The following IL1RAPL1 variants were observed in gnomAD, a reference collection of about 807,000 sequenced individuals.
IL1RAPL1 encodes interleukin-1 receptor accessory protein-like 1.
A neutral mutation model predicts 48.4 loss-of-function variants in IL1RAPL1; 3 were observed. The observed-to-expected ratio is 0.06, with a 90% confidence interval of 0.03 to 0.16. IL1RAPL1 has a LOEUF of 0.16. Ranked by LOEUF, IL1RAPL1 falls within the 10% of genes least tolerant of loss-of-function variation. The probability of loss-of-function intolerance (pLI) is 1.00; values close to 1 mark genes in which losing one functional copy is unlikely to be tolerated. For missense variants in IL1RAPL1, 349 were observed against 530.6 expected, an observed-to-expected ratio of 0.66 and a Z score of 3.36; for synonymous variants, 185 against 187.7, an observed-to-expected ratio of 0.99 and a Z score of 0.12.
At chrX:29,387,590 C>T (rs1285973717) in intron 3 of IL1RAPL1, among the ~76,000 whole-genome samples, 1 of 112,256 alleles carries the variant, frequency 8.9e-6, no homozygotes, top group African/African-American at 3.2e-5. Flanking sequence ...AGAAGATCAT[C>T]AGGTGATTGT....
intron 2 of IL1RAPL1, among the ~76,000 whole-genome samples, chrX:28,996,350 T>A (rs1245067744): frequency 8.9e-6 from 1 of 111,991 alleles, no homozygotes; most frequent in Non-Finnish European, 1.9e-5. Flanking sequence ...ATTTTATTTA[T>A]CCACTAATCA....
rs377602021 is a variant in IL1RAPL1 at position 29,699,726 on chromosome X, C to G, written c.778+31222C>G. Among the ~76,000 whole-genome samples the G allele has an allele frequency of 2.9e-4, 32 of 111,799 alleles. 1 individual carries two copies. The East Asian group carries it at 7.0e-3, about 24-fold the overall frequency. Reference sequence around the variant, plus strand: ...TGTTCTGACGTTTTGATTGGTCTGGCCTTTTCAAGTAGATTAAATGTTATT... The same window carrying G: ...TGTTCTGACGTTTTGATTGGTCTGGGCTTTTCAAGTAGATTAAATGTTATT... On this transcript the variant is annotated intron_variant, in intron 6 of 10. Coordinates refer to ENST00000378993, the MANE Select transcript of IL1RAPL1 (RefSeq NM_014271.4).
intron 9 of IL1RAPL1, among the ~76,000 whole-genome samples, chrX:29,942,652 T>C (rs1933150435): frequency 9.2e-6 from 1 of 109,249 alleles, no homozygotes; most frequent in African/African-American, 3.3e-5. Flanking sequence ...GGAGTTTCAC[T>C]CTTGTTGCCC....
At chrX:28,697,456 GA>G (rs35493478) in intron 1 of IL1RAPL1, among the ~76,000 whole-genome samples, 3 of 96,859 alleles carry the variant, frequency 3.1e-5, no homozygotes, top group Non-Finnish European at 4.3e-5. Flanking sequence ...TTGTTTTCTA[GA>G]ATTTTTAAAA....
chrX:28,974,346 GTTGT>G (rs1189518997), intron 2 of IL1RAPL1, among the ~76,000 whole-genome samples: 2 of 112,005 alleles, frequency 1.8e-5, no homozygotes, highest in Admixed American at 1.9e-4. Context: ...TCCAATTTTT[GTTGT>G]TTAATTATTG....
chrX:29,285,648 A>G (rs1032928760), intron 3 of IL1RAPL1, among the ~76,000 whole-genome samples: 1 of 110,419 alleles, frequency 9.1e-6, no homozygotes. Context: ...CTACATTTTA[A>G]TAAAAGGTGA....
Position 29,842,193 on chromosome X carries a change from G to A in IL1RAPL1, c.779-75271G>A, listed in dbSNP as rs1029734145. ...ATCAGAAAATGCTGGGAACCTTTCTGATATCTAAGTTTTCAGAAGCATAAA... is the reference window on the plus strand; with the variant it reads ...ATCAGAAAATGCTGGGAACCTTTCTAATATCTAAGTTTTCAGAAGCATAAA... On this transcript the variant is annotated intron_variant, in intron 6 of 10. Coordinates refer to ENST00000378993, the MANE Select transcript of IL1RAPL1 (RefSeq NM_014271.4). Among the ~76,000 whole-genome samples, 4 of 112,199 alleles carry A rather than the reference G, an allele frequency of 3.6e-5. No homozygotes were observed. In the East Asian group the frequency reaches 8.4e-4, roughly 23 times the overall value.
Position 29,396,345 on chromosome X carries a change from T to C in IL1RAPL1, c.450T>C (p.Tyr150=). The change falls in exon 4 of 11, where the codon TAT becomes TAC. Residue 150 remains tyrosine, a synonymous_variant. Transcript: ENST00000378993. ...TCTGCTATAATTCCAAGATGAAGTA[T>C]TTTGAAAAAGCTGAACTTAGCAAAA... ...TGLCYNSKMK[Y]FEKAELSKSK... is the part of the protein sequence containing the mutation. The C allele has an allele frequency of 8.3e-7, 1 of 1,209,835 alleles. No homozygotes were observed. Among genetic ancestry groups the C allele is most frequent in the Non-Finnish European group, 1.1e-6 (1 of 893,634 alleles).
At chrX:29,451,433 G>A (rs181039479) in intron 5 of IL1RAPL1, among the ~76,000 whole-genome samples, 3 of 111,016 alleles carry the variant, frequency 2.7e-5, no homozygotes, top group African/African-American at 9.8e-5. Context: ...GGCCTCAAGA[G>A]ATCTGCGTGA....
At chrX:29,032,566 T>C (rs1926643238) in intron 2 of IL1RAPL1, among the ~76,000 whole-genome samples, 1 of 112,255 alleles carries the variant, frequency 8.9e-6, no homozygotes, top group Admixed American at 9.4e-5. Context: ...AAAAAAAAGG[T>C]GTCCCCTGGT....
chrX:29,787,086 G>A (rs1484460266), intron 6 of IL1RAPL1, among the ~76,000 whole-genome samples: 5 of 111,780 alleles, frequency 4.5e-5, no homozygotes, highest in African/African-American at 1.6e-4. Context: ...GTACTTGTAC[G>A]GAGAAGCCTT....
chrX:29,420,601 T>C (rs1934279144), intron 5 of IL1RAPL1, among the ~76,000 whole-genome samples: 1 of 112,425 alleles, frequency 8.9e-6, no homozygotes, highest in Non-Finnish European at 1.9e-5. Flanking sequence ...GATATATTCC[T>C]ACTCTTTCAC....
At chrX:29,569,766 G>T (rs1400405508) in intron 5 of IL1RAPL1, among the ~76,000 whole-genome samples, 3 of 111,889 alleles carry the variant, frequency 2.7e-5, no homozygotes, top group East Asian at 5.5e-4. Flanking sequence ...AGGATAAATG[G>T]AAACATGTTA....
chrX:28,609,324 A>G (rs1398601274), intron 1 of IL1RAPL1, among the ~76,000 whole-genome samples: 2 of 111,200 alleles, frequency 1.8e-5, no homozygotes, highest in African/African-American at 6.5e-5. Context: ...TCCAAGTTCC[A>G]CAAAAAGCCC....
chrX:28,709,370 G>A lies in IL1RAPL1; in HGVS notation c.-24-79950G>A, dbSNP rs369620109. Among the ~76,000 whole-genome samples, 16 of 111,944 alleles carry A rather than the reference G, an allele frequency of 1.4e-4. No homozygotes were observed. The South Asian group carries it at 4.1e-3, about 28-fold the overall frequency. On this transcript the variant is annotated intron_variant, in intron 1 of 10. Transcript: ENST00000378993. ...CTATTTTACAAATGAGGAAAATGCC[G>A]GGGGTGGGGCATAGAAAGCTTAGTT...
intron 6 of IL1RAPL1, among the ~76,000 whole-genome samples, chrX:29,890,703 T>C (rs1048486337): frequency 8.9e-6 from 1 of 112,147 alleles, no homozygotes; most frequent in Non-Finnish European, 1.9e-5. Flanking sequence ...AACTTTACTT[T>C]GTTTTAACCA....
chrX:28,688,218 G>A (rs1935135830), intron 1 of IL1RAPL1, among the ~76,000 whole-genome samples: 1 of 107,268 alleles, frequency 9.3e-6, no homozygotes, highest in African/African-American at 3.4e-5. Context: ...TTGAGACAGG[G>A]TCTCACTCTG....
Position 29,340,185 on chromosome X carries a change from A to G in IL1RAPL1, c.363-56073A>G, listed in dbSNP as rs137908640. Among the ~76,000 whole-genome samples, 249 of 112,145 alleles carry G rather than the reference A, an allele frequency of 2.2e-3. 2 individuals carry two copies. Among genetic ancestry groups the G allele is most frequent in the African/African-American group, 7.5e-3 (231 of 30,889 alleles). ...GTTTGTTGATTGAGGTGAAATTTGT[A>G]TAACATAAAATCAGTCATTTTAAAG... On this transcript the variant is annotated intron_variant, in intron 3 of 10. Coordinates refer to ENST00000378993, the MANE Select transcript of IL1RAPL1 (RefSeq NM_014271.4).
chrX:28,891,481 C>T (rs1247328276), intron 2 of IL1RAPL1, among the ~76,000 whole-genome samples: 1 of 111,882 alleles, frequency 8.9e-6, no homozygotes, highest in Non-Finnish European at 1.9e-5. Context: ...CTGCTACTAG[C>T]AACCACTAGT....
Sources: allele counts gnomAD v4.1 joint callset (sites outside exome capture counted in the v4.1 genomes callset), GRCh38; gene constraint gnomAD v4.1.1; transcripts MANE v1.5; gene names NCBI Gene and HGNC (gene_info 2026-07-23, HGNC 2026-07-21).